The following HAUS2 variants were observed in gnomAD, a reference collection of about 807,000 sequenced individuals.
The protein encoded by HAUS2 is HAUS augmin-like complex subunit 2.
In HAUS2, 20 loss-of-function variants were observed where a neutral mutation model predicts 21.6. The ratio of observed to expected loss-of-function variants is 0.93; its 90% CI spans 0.65 to 1.35. The LOEUF is 1.35. Ranked by LOEUF, HAUS2 falls within the 40% of genes most tolerant of loss-of-function variation. The pLI, the probability that HAUS2 is intolerant of heterozygous loss-of-function variation, is 0.00. For missense variants in HAUS2, 297 were observed against 280.7 expected, an observed-to-expected ratio of 1.06 and a Z score of -0.42; for synonymous variants, 113 against 95.6, an observed-to-expected ratio of 1.18 and a Z score of -1.06.
intron 3 of HAUS2, 67 bp from the exon 4 acceptor site, chr15:42,561,203 C>T (rs181932380): frequency 1.1e-5 from 11 of 1,017,866 alleles, no homozygotes; most frequent in Admixed American, 5.7e-5. Context: ...CAAACCAAGG[C>T]AAAGAAGAAA....
At chr15:42,561,146 G>T in intron 3 of HAUS2, 124 bp from the exon 4 acceptor site, 1 of 609,840 alleles carries the variant, frequency 1.6e-6, no homozygotes, top group East Asian at 2.7e-5. Flanking sequence ...ACAGCAAAAA[G>T]GAGACAGGAG....
Position 42,559,376 on chromosome 15 carries a change from A to G in HAUS2, c.224A>G (p.Asp75Gly), listed in dbSNP as rs780902927. 3.1e-6 allele frequency: 5 copies of G among 1,606,190 alleles called. No homozygotes were observed. Among genetic ancestry groups the G allele is most frequent in the Non-Finnish European group, 4.3e-6 (5 of 1,172,782 alleles). ...ATTGAACTCCTGAAACTAGAAAAAG[A>G]TACAGCAGATGTTGTTCATCCTTTC... ...LEIELLKLEK[D>G]TADVVHPFFL... is the part of the protein sequence containing the mutation. Residue 75 changes from aspartate to glycine, a missense_variant, in exon 3 of 6, where the codon GAT becomes GGT. Physicochemically the swap from Asp to Gly is moderately conservative, Grantham distance 94. Transcript: ENST00000260372.
intron 1 of HAUS2, among the ~76,000 whole-genome samples, chr15:42,555,325 T>A (rs2057761828): frequency 6.6e-6 from 1 of 152,106 alleles, no homozygotes; most frequent in Non-Finnish European, 1.5e-5. Context: ...AGACAGGGTC[T>A]CCCTGTGTTG....
chr15:42,553,237 G>A (rs937567685), intron 1 of HAUS2, among the ~76,000 whole-genome samples: 8 of 151,850 alleles, frequency 5.3e-5, no homozygotes, highest in South Asian at 2.1e-4. Context: ...CACCTGCCTC[G>A]GCCTCCCAAA....
At chr15:42,566,582 C>T in intron 5 of HAUS2, 25 bp from the exon 6 acceptor site, 1 of 1,249,816 alleles carries the variant, frequency 8.0e-7, no homozygotes, top group East Asian at 2.3e-5. Flanking sequence ...ATAATTTCTC[C>T]TGTTTCCCTT....
chr15:42,564,092 T>C (rs1333097123), intron 5 of HAUS2, among the ~76,000 whole-genome samples: 1 of 151,838 alleles, frequency 6.6e-6, no homozygotes, highest in Non-Finnish European at 1.5e-5. Context: ...ATGGTGAAAC[T>C]CCATCTCTAC....
chr15:42,550,343 C>G (rs2057711501), intron 1 of HAUS2, among the ~76,000 whole-genome samples: 1 of 146,532 alleles, frequency 6.8e-6, no homozygotes, highest in African/African-American at 2.5e-5. Flanking sequence ...AAATACATAA[C>G]TTTTTATAGT....
Position 42,558,264 on chromosome 15 carries a change from A to T in HAUS2, c.160A>T (p.Thr54Ser). 1 of 1,454,538 alleles carries T rather than the reference A, an allele frequency of 6.9e-7. No individual in the cohort carries two copies. Among genetic ancestry groups the T allele is most frequent in the Non-Finnish European group, 9.6e-7 (1 of 1,042,666 alleles). The allele number at this position is 1,454,538 out of a possible 1,614,324, so 90.1% of individuals were successfully genotyped here. The part of the protein sequence containing the change: ...FVNFTRLQQI[T>S]NIQAEIYQKN... ...GAACTTCACCAGACTACAGCAGATC[A>T]CAAATATTCAAGCTGAAATCTACCA... The change falls in exon 2 of 6, where the codon ACA becomes TCA. Residue 54 changes from threonine (T) to serine (S), a missense_variant. By Grantham distance (58) the Thr-to-Ser change is moderately conservative. Transcript: ENST00000260372.
chr15:42,556,363 A>G (rs769119330), intron 1 of HAUS2, among the ~76,000 whole-genome samples: 10 of 143,832 alleles, frequency 7.0e-5, no homozygotes, highest in Non-Finnish European at 1.5e-4. Context: ...TCCTAAGCTC[A>G]AGCAATTCTC....
In HAUS2 at chr15:42,559,549, T is replaced by A. The variant is rs1440116494; in HGVS notation, c.256+141T>A. ...CAAAGCTAATGAAATCTTGTATTTC[T>A]ATGCTGAAATAGAAGTTCTGTTGGC... On this transcript the variant is annotated intron_variant, in intron 3 of 5. Coordinates refer to ENST00000260372, the MANE Select transcript of HAUS2 (RefSeq NM_018097.3). 85 of 617,508 alleles carry A rather than the reference T, an allele frequency of 1.4e-4. No individual in the cohort carries two copies. The East Asian group carries it at 2.4e-3, about 17-fold the overall frequency. 38.3% of individuals were successfully genotyped at this position (617,508 alleles called of 1,614,324 possible). A position where few individuals can be genotyped will look rare whatever the true frequency, so the allele number is the denominator to read the frequency against.
At chr15:42,549,878 G>A (rs1329611778) in intron 1 of HAUS2, among the ~76,000 whole-genome samples, 1 of 151,734 alleles carries the variant, frequency 6.6e-6, no homozygotes, top group African/African-American at 2.4e-5. Flanking sequence ...AACCCAAGGA[G>A]TCACGGAGTG....
intron 1 of HAUS2, among the ~76,000 whole-genome samples, chr15:42,557,808 A>AC (rs11442454): frequency 1.3e-5 from 2 of 152,008 alleles, no homozygotes; most frequent in Admixed American, 1.3e-4. Context: ...GAAGGCGAAA[A>AC]TATTTGATTT....
Position 42,568,581 on chromosome 15 carries a change from C to G in HAUS2, c.*1765C>G, listed in dbSNP as rs1228188445. The G allele has an allele frequency of 2.6e-5, 4 of 152,212 alleles. No homozygotes were observed. Among genetic ancestry groups the G allele is most frequent in the Non-Finnish European group, 5.9e-5 (4 of 68,040 alleles). The allele number at this position is 152,212 out of a possible 1,614,324, so 9.4% of individuals were successfully genotyped here. A position where few individuals can be genotyped will look rare whatever the true frequency, so the allele number is the denominator to read the frequency against. On this transcript the variant is annotated 3_prime_UTR_variant, in exon 6 of 6. Transcript: ENST00000260372. ...AACCTTAACAGGAGGGCTCCACTCA[C>G]TGAAAAGAGTCGTTCATGGTAGCTA... is the stretch of plus-strand genomic sequence containing the variant.
rs1357928932 is a variant in HAUS2, at chr15:42,568,496, C to T, written c.*1680C>T. The stretch of plus-strand genomic sequence containing the variant: ...TTACCTAATTACTTTTTAAAGGTCT[C>T]ATAACACTTTTACAATGTCAATTAA... On this transcript the variant is annotated 3_prime_UTR_variant, in exon 6 of 6. Transcript: ENST00000260372. 1 of 152,232 alleles carries T rather than the reference C, an allele frequency of 6.6e-6. No individual in the cohort carries two copies. The highest frequency in any genetic ancestry group is 1.9e-4 in the East Asian group (1 of 5,198). 9.4% of individuals were successfully genotyped at this position (152,232 alleles called of 1,614,324 possible).
chr15:42,549,243 C>A (rs1202623837), intron 1 of HAUS2, among the ~76,000 whole-genome samples: 1 of 151,964 alleles, frequency 6.6e-6, no homozygotes, highest in African/African-American at 2.4e-5. Context: ...CTGTTACCAG[C>A]CTTTTTTTCA....
At chr15:42,556,454 G>A (rs908155777) in intron 1 of HAUS2, among the ~76,000 whole-genome samples, 9 of 147,538 alleles carry the variant, frequency 6.1e-5, no homozygotes, top group Admixed American at 1.4e-4. Flanking sequence ...TAGTAGAGAC[G>A]GGGTTTCACC....
rs957091212 is a variant in HAUS2, at chr15:42,567,613, T to G, written c.*797T>G. 3 of 152,190 alleles carry G rather than the reference T, an allele frequency of 2.0e-5. No homozygotes were observed. The highest frequency in any genetic ancestry group is 7.2e-5 in the African/African-American group (3 of 41,422). 9.4% of individuals were successfully genotyped at this position (152,190 alleles called of 1,614,324 possible). On this transcript the variant is annotated 3_prime_UTR_variant, in exon 6 of 6. Transcript: ENST00000260372. ...CAACACTTTGGGAGGCCGACCCAGATGGGTGGATCACCTGAGGTCAGGAGT... is the reference window on the plus strand; with the variant it reads ...CAACACTTTGGGAGGCCGACCCAGAGGGGTGGATCACCTGAGGTCAGGAGT...
In HAUS2 at chr15:42,569,565, C is replaced by G. The variant is rs147634605; in HGVS notation, c.*2749C>G. Reference sequence around the variant, plus strand: ...CAAACGACCCTCCCGCCTCAGCCTCCGAAAGTGCTGGGAGTACAGGTGTTA... The same window carrying G: ...CAAACGACCCTCCCGCCTCAGCCTCGGAAAGTGCTGGGAGTACAGGTGTTA... On this transcript the variant is annotated 3_prime_UTR_variant, in exon 6 of 6. Transcript: ENST00000260372. 6 of 152,134 alleles carry G rather than the reference C, an allele frequency of 3.9e-5. No individual in the cohort carries two copies. The highest frequency in any genetic ancestry group is 1.4e-4 in the African/African-American group (6 of 41,412). 9.4% of individuals were successfully genotyped at this position (152,134 alleles called of 1,614,324 possible). A position where few individuals can be genotyped will look rare whatever the true frequency, so the allele number is the denominator to read the frequency against.
rs1432187312 is a variant in HAUS2 at position 42,568,450 on chromosome 15, T to C, written c.*1634T>C. On this transcript the variant is annotated 3_prime_UTR_variant, in exon 6 of 6. Coordinates refer to ENST00000260372, the MANE Select transcript of HAUS2 (RefSeq NM_018097.3). Reference sequence around the variant, plus strand: ...CTCCCAAGATAGCAGCACTAATTCATTAATGAGGGCAAAGCCCTCCTTACC... The same window carrying C: ...CTCCCAAGATAGCAGCACTAATTCACTAATGAGGGCAAAGCCCTCCTTACC... 1 of 152,234 alleles carries C rather than the reference T, an allele frequency of 6.6e-6. No individual in the cohort carries two copies. The highest frequency in any genetic ancestry group is 1.9e-4 in the East Asian group (1 of 5,196). The allele number at this position is 152,234 out of a possible 1,614,324, so 9.4% of individuals were successfully genotyped here. A position where few individuals can be genotyped will look rare whatever the true frequency, so the allele number is the denominator to read the frequency against.
Sources: allele counts gnomAD v4.1 joint callset (sites outside exome capture counted in the v4.1 genomes callset), GRCh38; gene constraint gnomAD v4.1.1; transcripts MANE v1.5; gene names NCBI Gene and HGNC (gene_info 2026-07-23, HGNC 2026-07-21).